HNF4G: variants seen among roughly 807,000 people sequenced by gnomAD.
HNF4G encodes the protein hepatocyte nuclear factor 4-gamma.
Under a neutral mutation model 50.9 loss-of-function variants are expected in HNF4G, and 21 were observed. The observed-to-expected ratio is 0.41, with a 90% CI of 0.29 to 0.59. The LOEUF (loss-of-function observed/expected upper bound fraction) is 0.59. Among genes scored for constraint, HNF4G ranks in the 20% least tolerant of loss-of-function variants. The pLI, the probability that HNF4G is intolerant of heterozygous loss-of-function variation, is 0.26. For synonymous variants in HNF4G, 198 were observed against 185.6 expected, an observed-to-expected ratio of 1.07 and a Z score of -0.54; for missense variants, 527 against 559.4, an observed-to-expected ratio of 0.94 and a Z score of 0.58.
chr8:75,496,967 A>T (rs1247377564), intron 2 of HNF4G, among the ~76,000 whole-genome samples: 1 of 152,114 alleles, frequency 6.6e-6, no homozygotes, highest in Non-Finnish European at 1.5e-5. Context: ...CAAAATGCAA[A>T]TTTTGTTGCA....
At chr8:75,534,834 A>G (rs887798621) in intron 2 of HNF4G, among the ~76,000 whole-genome samples, 5 of 151,828 alleles carry the variant, frequency 3.3e-5, no homozygotes, top group African/African-American at 1.2e-4. Flanking sequence ...ATAGAATTTT[A>G]TTATATATAA....
chr8:75,442,176 T>C lies in HNF4G; in HGVS notation c.-144+34014T>C, dbSNP rs112915412. 7.8e-3 allele frequency among the ~76,000 whole-genome samples: 1,195 copies of C among 152,274 alleles called. 20 individuals are homozygous for C. The highest frequency in any genetic ancestry group is 0.027 in the African/African-American group (1,119 of 41,552). ...CTCAAAGAAATGCAAGAAGTTATTA[T>C]CACAGGATAGAAATTACCCCAGAGA... On this transcript the variant is annotated intron_variant, in intron 1 of 10. Transcript: ENST00000354370.
intron 2 of HNF4G, among the ~76,000 whole-genome samples, chr8:75,525,467 C>T (rs1036707730): frequency 6.6e-6 from 1 of 152,190 alleles, no homozygotes; most frequent in Non-Finnish European, 1.5e-5. Context: ...CGCAACCGGC[C>T]TCCATTGGTT....
At chr8:75,445,149 G>A (rs1811394385) in intron 1 of HNF4G, among the ~76,000 whole-genome samples, 2 of 135,018 alleles carry the variant, frequency 1.5e-5, no homozygotes, top group African/African-American at 2.9e-5. Flanking sequence ...TCAACTACAT[G>A]GAAACTGAAC....
chr8:75,503,148 ATTT>A (rs910797568), intron 2 of HNF4G, among the ~76,000 whole-genome samples: 15 of 152,278 alleles, frequency 9.9e-5, no homozygotes, highest in African/African-American at 3.6e-4. Flanking sequence ...ATTAAAAACA[ATTT>A]TCTGTGGTAA....
At chr8:75,524,276 A>T (rs1378578110) in intron 2 of HNF4G, among the ~76,000 whole-genome samples, 2 of 152,152 alleles carry the variant, frequency 1.3e-5, no homozygotes, top group African/African-American at 4.8e-5. Flanking sequence ...ATAACTACGC[A>T]AAGTTATAAT....
intron 2 of HNF4G, among the ~76,000 whole-genome samples, chr8:75,544,820 G>A (rs1317145793): frequency 6.6e-6 from 1 of 152,010 alleles, no homozygotes; most frequent in Non-Finnish European, 1.5e-5. Flanking sequence ...TGTTGGTTCT[G>A]TCAATAAAAG....
chr8:75,561,109 T>A (rs1032123402), intron 9 of HNF4G, among the ~76,000 whole-genome samples: 3 of 152,198 alleles, frequency 2.0e-5, no homozygotes, highest in African/African-American at 7.2e-5. Flanking sequence ...GAAGTTTGGA[T>A]CAGCTTTCAA....
chr8:75,445,935 C>A (rs1233756102), intron 1 of HNF4G, among the ~76,000 whole-genome samples: 1 of 22,592 alleles, frequency 4.4e-5, no homozygotes. Context: ...TTTTATGAGG[C>A]CAGCATCATT....
At chr8:75,471,890 T>C (rs1812122958) in intron 1 of HNF4G, among the ~76,000 whole-genome samples, 1 of 152,184 alleles carries the variant, frequency 6.6e-6, no homozygotes, top group South Asian at 2.1e-4. Flanking sequence ...AAGGGCAGCT[T>C]GGGATGATGG....
At chr8:75,419,680 A>G (rs979745274) in intron 1 of HNF4G, among the ~76,000 whole-genome samples, 7 of 152,230 alleles carry the variant, frequency 4.6e-5, no homozygotes, top group Non-Finnish European at 1.0e-4. Context: ...CACGCCCACC[A>G]ACACTTCAAT....
chr8:75,501,609 G>A (rs1054961263), intron 2 of HNF4G, among the ~76,000 whole-genome samples: 3 of 151,858 alleles, frequency 2.0e-5, no homozygotes, highest in African/African-American at 7.3e-5. Flanking sequence ...CATTTGGTTC[G>A]CATTCCATCA....
chr8:75,425,650 G>C (rs927166990), intron 1 of HNF4G, among the ~76,000 whole-genome samples: 1 of 149,400 alleles, frequency 6.7e-6, no homozygotes, highest in Non-Finnish European at 1.5e-5. Context: ...TGCCACATAG[G>C]AAATTTCCAA....
At chr8:75,454,434 G>A (rs1811669717) in intron 1 of HNF4G, among the ~76,000 whole-genome samples, 1 of 152,130 alleles carries the variant, frequency 6.6e-6, no homozygotes, top group Admixed American at 6.5e-5. Context: ...ACTATCCTGG[G>A]CATTGAATGG....
chr8:75,527,181 T>C (rs1448570291), intron 2 of HNF4G: 1 of 152,178 alleles, frequency 6.6e-6, no homozygotes, highest in Non-Finnish European at 1.5e-5. Context: ...AACTACTATC[T>C]AGGGTTCATT....
chr8:75,425,772 C>T (rs1412039371), intron 1 of HNF4G, among the ~76,000 whole-genome samples: 9 of 151,710 alleles, frequency 5.9e-5, no homozygotes, highest in Non-Finnish European at 1.3e-4. Flanking sequence ...GATGAATATG[C>T]CACAAATAAT....
intron 2 of HNF4G, among the ~76,000 whole-genome samples, chr8:75,492,788 C>T (rs1812664984): frequency 6.6e-6 from 1 of 151,972 alleles, no homozygotes; most frequent in Non-Finnish European, 1.5e-5. Flanking sequence ...TCAAGGAAGG[C>T]CAGAAAGATA....
chr8:75,537,044 T>C (rs560894837), upstream of HNF4G, among the ~76,000 whole-genome samples: 1 of 152,270 alleles, frequency 6.6e-6, no homozygotes, highest in East Asian at 1.9e-4. Flanking sequence ...TTAACTAAAG[T>C]ACTCAATTTC....
chr8:75,555,739 T>C (rs1018870624), intron 5 of HNF4G, among the ~76,000 whole-genome samples: 13 of 152,046 alleles, frequency 8.6e-5, no homozygotes, highest in Admixed American at 7.2e-4. Context: ...GCTTTTTTTT[T>C]TTTTCTTTCT....
Sources: allele counts gnomAD v4.1 joint callset (sites outside exome capture counted in the v4.1 genomes callset), GRCh38; gene constraint gnomAD v4.1.1; transcripts MANE v1.5; gene names NCBI Gene and HGNC (gene_info 2026-07-23, HGNC 2026-07-21).